Variants in MSRB3 observed in about 807,000 individuals in gnomAD.
The protein encoded by MSRB3 is methionine sulfoxide reductase B3.
In MSRB3, 13 loss-of-function variants were observed where a neutral mutation model predicts 21.0. The ratio of observed to expected loss-of-function variants is 0.62; its 90% CI spans 0.40 to 0.98. MSRB3 has a LOEUF of 0.98. MSRB3 is among the 50% of genes least tolerant of loss of function. The pLI, the probability that MSRB3 is intolerant of heterozygous loss-of-function variation, is 0.00. For synonymous variants in MSRB3, 87 were observed against 88.6 expected (o/e 0.98, Z 0.10); for missense variants, 199 against 230.3 (o/e 0.86, Z 0.88).
chr12:65,396,769 ATG>A (rs1477477156), intron 5 of MSRB3, among the ~76,000 whole-genome samples: 2 of 151,500 alleles, frequency 1.3e-5, no homozygotes, highest in Non-Finnish European at 2.9e-5. Flanking sequence ...CAGCAAAGAT[ATG>A]TTTTATGGTC....
chr12:65,316,543 CAT>C (rs1411320694), intron 2 of MSRB3, among the ~76,000 whole-genome samples: 3 of 152,238 alleles, frequency 2.0e-5, no homozygotes, highest in African/African-American at 7.2e-5. Context: ...GTGTCTATCA[CAT>C]AATAGGTGTT....
At chr12:65,456,739 C>T (rs1039327743) in intron 6 of MSRB3, among the ~76,000 whole-genome samples, 11 of 152,116 alleles carry the variant, frequency 7.2e-5, no homozygotes, top group Non-Finnish European at 1.6e-4. Context: ...GAATTTGTTC[C>T]GCTAAGGCAT....
chr12:65,383,126 A>G (rs764902747), intron 5 of MSRB3, among the ~76,000 whole-genome samples: 2 of 152,208 alleles, frequency 1.3e-5, no homozygotes, highest in African/African-American at 2.4e-5. Flanking sequence ...TTATGATCAA[A>G]TGTACAAATC....
At chr12:65,383,979 A>T (rs530754103) in intron 5 of MSRB3, among the ~76,000 whole-genome samples, 2 of 152,236 alleles carry the variant, frequency 1.3e-5, no homozygotes, top group South Asian at 4.1e-4. Flanking sequence ...AAATGTAGAG[A>T]TATGCTGCTC....
chr12:65,339,597 T>C (rs554825544), intron 4 of MSRB3, among the ~76,000 whole-genome samples: 35 of 152,348 alleles, frequency 2.3e-4, no homozygotes, highest in South Asian at 1.7e-3. Context: ...TTGTAAATAA[T>C]GTAGTTAAGT....
At chr12:65,428,721 T>A (rs1881730169) in intron 5 of MSRB3, among the ~76,000 whole-genome samples, 1 of 151,984 alleles carries the variant, frequency 6.6e-6, no homozygotes, top group Non-Finnish European at 1.5e-5. Context: ...ATCAAAGGCT[T>A]TCATGACCTA....
chr12:65,364,580 T>C (rs1025598858), intron 4 of MSRB3, among the ~76,000 whole-genome samples: 2 of 152,206 alleles, frequency 1.3e-5, no homozygotes, highest in South Asian at 2.1e-4. Context: ...TAAAAATATG[T>C]TTGGAATGAA....
intron 4 of MSRB3, among the ~76,000 whole-genome samples, chr12:65,368,559 G>A (rs911196196): frequency 1.5e-4 from 23 of 152,164 alleles, no homozygotes; most frequent in Admixed American, 1.0e-3. Context: ...AATGTATGGG[G>A]TTACTAGGTT....
chr12:65,455,661 T>C (rs1413970287), intron 6 of MSRB3, among the ~76,000 whole-genome samples: 1 of 152,172 alleles, frequency 6.6e-6, no homozygotes, highest in Non-Finnish European at 1.5e-5. Flanking sequence ...CCCAGATAGA[T>C]AGACAGGTTG....
intron 5 of MSRB3, among the ~76,000 whole-genome samples, chr12:65,378,467 T>C (rs1478041693): frequency 6.6e-6 from 1 of 152,210 alleles, no homozygotes; most frequent in Non-Finnish European, 1.5e-5. Flanking sequence ...TGTTCCACAC[T>C]TGTCAATGAT....
At chr12:65,386,485 C>A (rs1879201220) in intron 5 of MSRB3, among the ~76,000 whole-genome samples, 1 of 151,696 alleles carries the variant, frequency 6.6e-6, no homozygotes, top group African/African-American at 2.4e-5. Flanking sequence ...AACTCATTTT[C>A]TAAAATTTTT....
At chr12:65,423,742 T>G (rs1350947816) in intron 5 of MSRB3, among the ~76,000 whole-genome samples, 4 of 152,194 alleles carry the variant, frequency 2.6e-5, no homozygotes, top group African/African-American at 9.6e-5. Context: ...AGTTTTCTAA[T>G]ATTTTGTTTA....
chr12:65,312,959 CA>C lies in MSRB3; in HGVS notation c.76+4306del, dbSNP rs140565789. On this transcript the variant is annotated intron_variant, in intron 2 of 6. Transcript: ENST00000308259. ...GTTTACTTTTGAATTTATTGTCTGA[CA>C]ATTTTTTCTCACTTTATTGCATTAA... Among the ~76,000 whole-genome samples the C allele has an allele frequency of 3.7e-3, 570 of 152,158 alleles. 3 individuals are homozygous for C. Among genetic ancestry groups the C allele is most frequent in the African/African-American group, 0.013 (526 of 41,536 alleles).
intron 2 of MSRB3, among the ~76,000 whole-genome samples, chr12:65,319,578 T>C (rs1874527829): frequency 6.6e-6 from 1 of 152,202 alleles, no homozygotes; most frequent in Non-Finnish European, 1.5e-5. Context: ...GTTTTTCTTA[T>C]CTTTCCTGCT....
intron 5 of MSRB3, among the ~76,000 whole-genome samples, chr12:65,370,643 A>G (rs531604959): frequency 6.6e-6 from 1 of 152,358 alleles, no homozygotes; most frequent in Admixed American, 6.5e-5. Context: ...AAATTCCTGT[A>G]CTGAAGGTAA....
chr12:65,291,032 A>AT (rs1317159806), intron 1 of MSRB3, among the ~76,000 whole-genome samples: 1 of 151,666 alleles, frequency 6.6e-6, no homozygotes, highest in African/African-American at 2.4e-5. Context: ...TACAGCTTTA[A>AT]TTTTTTCCTA....
At chr12:65,400,008 A>G (rs1355612401) in intron 5 of MSRB3, among the ~76,000 whole-genome samples, 2 of 152,130 alleles carry the variant, frequency 1.3e-5, no homozygotes, top group African/African-American at 4.8e-5. Context: ...GTTTGCCAGT[A>G]TTTTATTGAG....
chr12:65,333,820 G>C lies in MSRB3; in HGVS notation c.263+5217G>C, dbSNP rs1390154454. 2.0e-5 allele frequency among the ~76,000 whole-genome samples: 3 copies of C among 152,092 alleles called. No individual in the cohort carries two copies. The East Asian group carries it at 5.8e-4, about 29-fold the overall frequency. On this transcript the variant is annotated intron_variant, in intron 4 of 6. Coordinates refer to ENST00000308259, the MANE Select transcript of MSRB3 (RefSeq NM_001031679.3). ...CCCTCTTGGAGTGAATTTCACAATGGCAAAGCCATACCTTAGTCATATTTA... is the reference window on the plus strand; with the variant it reads ...CCCTCTTGGAGTGAATTTCACAATGCCAAAGCCATACCTTAGTCATATTTA...
At position 65,419,784 on chromosome 12, in the gene MSRB3, T is replaced by A. The variant is rs925139167; in HGVS notation, c.293-33944T>A. ...CAGGCTTTGCATGGTCTCCTTCTCATTCTGGATGCCTCCCATTCCTGCCAG... is the reference window on the plus strand; with the variant it reads ...CAGGCTTTGCATGGTCTCCTTCTCAATCTGGATGCCTCCCATTCCTGCCAG... On this transcript the variant is annotated intron_variant, in intron 5 of 6. Transcript: ENST00000308259. 1.0e-5 allele frequency: 11 copies of A among 1,060,546 alleles called. No individual in the cohort carries two copies. In the South Asian group the frequency reaches 1.4e-4, roughly 13 times the overall value. 65.7% of individuals were successfully genotyped at this position (1,060,546 alleles called of 1,614,324 possible).
Sources: allele counts gnomAD v4.1 joint callset (sites outside exome capture counted in the v4.1 genomes callset), GRCh38; gene constraint gnomAD v4.1.1; transcripts MANE v1.5; gene names NCBI Gene and HGNC (gene_info 2026-07-23, HGNC 2026-07-21).